Variants in DCUN1D4 observed in about 807,000 individuals in gnomAD.
The protein encoded by DCUN1D4 is defective in cullin neddylation 1 domain containing 4, also known as DCN1-like protein 4.
Under a neutral mutation model 47.9 loss-of-function variants are expected in DCUN1D4, and 22 were observed. That is an observed-to-expected ratio of 0.46 (90% CI 0.33 to 0.66). DCUN1D4 has a LOEUF of 0.66. Ranked by LOEUF, DCUN1D4 falls within the 30% of genes least tolerant of loss-of-function variation. DCUN1D4 has a pLI of 0.02. For missense variants in DCUN1D4, 301 were observed against 340.8 expected (o/e 0.88, Z 0.92); for synonymous variants, 121 against 112.2 (o/e 1.08, Z -0.50).
chr4:51,855,596 A>AG (rs1724012029), intron 1 of DCUN1D4, among the ~76,000 whole-genome samples: 1 of 152,200 alleles, frequency 6.6e-6, no homozygotes, highest in Admixed American at 6.5e-5. Context: ...AAAGGCCTTG[A>AG]GGTAGGAATT....
At chr4:51,893,361 C>G (rs914572556) in intron 7 of DCUN1D4, among the ~76,000 whole-genome samples, 3 of 151,972 alleles carry the variant, frequency 2.0e-5, no homozygotes. Context: ...GATTTTAATC[C>G]TATTCACTCG....
At chr4:51,844,516 T>G in intron 1 of DCUN1D4, 1 of 556,848 alleles carries the variant, frequency 1.8e-6, no homozygotes, top group East Asian at 1.5e-4. Flanking sequence ...GTCGGGGGCT[T>G]GGCGCCGGGG....
intron 5 of DCUN1D4, among the ~76,000 whole-genome samples, chr4:51,880,402 G>A (rs1463408699): frequency 2.6e-5 from 4 of 152,170 alleles, no homozygotes; most frequent in African/African-American, 9.7e-5. Flanking sequence ...TTTTAATCTG[G>A]AGTAGAGTGG....
chr4:51,837,814 C>A, the DCUN1D4 span, among the ~76,000 whole-genome samples: 1 of 151,602 alleles, frequency 6.6e-6, no homozygotes, highest in Admixed American at 6.6e-5. Context: ...TTGGAAAATT[C>A]TTAGCTTTTC....
chr4:51,911,195 G>GA, intron 9 of DCUN1D4, 21 bp downstream of exon 9: 4 of 1,590,032 alleles, frequency 2.5e-6, no homozygotes, highest in Non-Finnish European at 3.4e-6. Flanking sequence ...GTTGTTTTAT[G>GA]AAATGTATGT....
chr4:51,901,101 A>G (rs1732033356), intron 8 of DCUN1D4, among the ~76,000 whole-genome samples: 1 of 151,404 alleles, frequency 6.6e-6, no homozygotes, highest in South Asian at 2.1e-4. Flanking sequence ...ACATTCTTTC[A>G]CTTCTTACCC....
chr4:51,848,702 C>A (rs779240711), intron 1 of DCUN1D4, among the ~76,000 whole-genome samples: 1 of 152,098 alleles, frequency 6.6e-6, no homozygotes, highest in Non-Finnish European at 1.5e-5. Flanking sequence ...GAAATGCATT[C>A]TAAATAGAAT....
At chr4:51,834,103 C>CTTTTTTTTT in the DCUN1D4 span, among the ~76,000 whole-genome samples, 614 of 42,500 alleles carry the variant, frequency 0.014, 78 homozygotes, top group East Asian at 0.062. Context: ...TTTCTTCTTT[C>CTTTTTTTTT]TTTTTTTTTT....
At chr4:51,894,975 CATAG>C (rs1325136569) in intron 7 of DCUN1D4, among the ~76,000 whole-genome samples, 1 of 152,080 alleles carries the variant, frequency 6.6e-6, no homozygotes, top group Non-Finnish European at 1.5e-5. Context: ...CTTTTTGATT[CATAG>C]ATGGTGCCTT....
At chr4:51,883,118 G>A (rs1330279015) in intron 5 of DCUN1D4, among the ~76,000 whole-genome samples, 2 of 152,190 alleles carry the variant, frequency 1.3e-5, no homozygotes, top group Admixed American at 6.5e-5. Context: ...TATTAGCTAA[G>A]AAGAATGAAG....
intron 7 of DCUN1D4, among the ~76,000 whole-genome samples, chr4:51,893,078 T>A (rs955147308): frequency 6.6e-6 from 1 of 152,220 alleles, no homozygotes; most frequent in Admixed American, 6.5e-5. Flanking sequence ...TCAGATTTTA[T>A]CCTGAACATG....
chr4:51,856,156 T>A (rs901410616), intron 1 of DCUN1D4, among the ~76,000 whole-genome samples: 2 of 152,224 alleles, frequency 1.3e-5, no homozygotes, highest in African/African-American at 4.8e-5. Context: ...TTGTTTTGCT[T>A]TTTTGGCAAT....
intron 1 of DCUN1D4, among the ~76,000 whole-genome samples, chr4:51,846,974 CT>C (rs1722649839): frequency 6.6e-6 from 1 of 152,184 alleles, no homozygotes; most frequent in African/African-American, 2.4e-5. Context: ...ACAGAGAAGT[CT>C]TTTGCAGAAA....
At chr4:51,869,522 TAA>T (rs1404658177) in intron 3 of DCUN1D4, among the ~76,000 whole-genome samples, 10 of 152,200 alleles carry the variant, frequency 6.6e-5, no homozygotes, top group African/African-American at 2.4e-4. Context: ...CTATTTGTAT[TAA>T]GTTTGGAGAA....
At chr4:51,859,415 C>T (rs1023953735) in intron 1 of DCUN1D4, among the ~76,000 whole-genome samples, 2 of 151,980 alleles carry the variant, frequency 1.3e-5, no homozygotes, top group African/African-American at 4.8e-5. Context: ...CTGTTTCTAA[C>T]CCTCTTATGA....
intron 1 of DCUN1D4, among the ~76,000 whole-genome samples, chr4:51,854,161 G>C (rs2109839815): frequency 6.6e-6 from 1 of 152,286 alleles, no homozygotes; most frequent in East Asian, 1.9e-4. Flanking sequence ...GAATATATTT[G>C]TTTTTACAAA....
At chr4:51,842,102 TG>T (rs1159789077), upstream of DCUN1D4, among the ~76,000 whole-genome samples, 1 of 152,200 alleles carries the variant, frequency 6.6e-6, no homozygotes, top group Non-Finnish European at 1.5e-5. Context: ...CTCATGGAAA[TG>T]GTGCGAATTC....
chr4:51,871,726 A>G (rs184685480), intron 3 of DCUN1D4, among the ~76,000 whole-genome samples: 4 of 152,368 alleles, frequency 2.6e-5, no homozygotes, highest in Admixed American at 2.6e-4. Flanking sequence ...TGAGCAGGGC[A>G]AACTTTTTCC....
chr4:51,864,859 G>A (rs1725651988), intron 3 of DCUN1D4, among the ~76,000 whole-genome samples: 1 of 152,178 alleles, frequency 6.6e-6, no homozygotes, highest in Non-Finnish European at 1.5e-5. Flanking sequence ...AGTAAATAGA[G>A]TGGAAAGTTA....
Sources: gnomAD v4.1 joint callset for allele counts (sites outside exome capture counted in the v4.1 genomes callset) on GRCh38, gnomAD v4.1.1 for gene constraint, MANE v1.5 for transcripts, NCBI Gene and HGNC (gene_info 2026-07-23, HGNC 2026-07-21) for gene names.